The following CCDC3 variants were observed in gnomAD, a reference collection of about 807,000 sequenced individuals.
The protein encoded by CCDC3 is coiled-coil domain-containing protein 3.
In CCDC3, 24 loss-of-function variants were observed where a neutral mutation model predicts 21.4. The observed-to-expected ratio is 1.12, with a 90% CI of 0.81 to 1.58. The LOEUF is 1.58. Among genes scored for constraint, CCDC3 ranks in the 40% most tolerant of loss-of-function variants. CCDC3 has a pLI of 0.00. For missense variants in CCDC3, 425 were observed against 360.9 expected (o/e 1.18, Z -1.44); for synonymous variants, 186 against 166.0 (o/e 1.12, Z -0.93).
Position 13,084,576 on chromosome 10 carries a change from C to T in CCDC3, c.-502-10476G>A, listed in dbSNP as rs547865520. On this transcript the variant is annotated intron_variant, in intron 3 of 6. Transcript: ENST00000378839. The stretch of plus-strand genomic sequence containing the variant: ...TGCTGGGATTACAGGCATGAGCCAC[C>T]GCGCCCGGCCCCACTTTACTTTCTC... Among the ~76,000 whole-genome samples the T allele has an allele frequency of 7.4e-4, 113 of 152,252 alleles. 2 individuals carry two copies. In the South Asian group the frequency reaches 0.02, roughly 27 times the overall value.
intron 4 of CCDC3, among the ~76,000 whole-genome samples, chr10:13,070,995 A>G (rs1321039789): frequency 6.6e-6 from 1 of 152,220 alleles, no homozygotes; most frequent in African/African-American, 2.4e-5. Flanking sequence ...AGAAAAAAAC[A>G]AAAGGGATGG....
chr10:12,951,361 A>G (rs1315988684), intron 2 of CCDC3, among the ~76,000 whole-genome samples: 1 of 152,160 alleles, frequency 6.6e-6, no homozygotes, highest in African/African-American at 2.4e-5. Context: ...CTCAAAAAAA[A>G]GTTTAAAACC....
At chr10:12,899,239 C>T (rs1189017505) in intron 2 of CCDC3, among the ~76,000 whole-genome samples, 1 of 152,074 alleles carries the variant, frequency 6.6e-6, no homozygotes, top group East Asian at 1.9e-4. Flanking sequence ...CTCTTAAACG[C>T]ATGAAAAGAT....
intron 2 of CCDC3, among the ~76,000 whole-genome samples, chr10:12,973,787 A>T (rs1835376700): frequency 6.6e-6 from 1 of 152,100 alleles, no homozygotes; most frequent in Non-Finnish European, 1.5e-5. Flanking sequence ...GGTAAACCTG[A>T]CCCAGGTTTT....
intron 3 of CCDC3, among the ~76,000 whole-genome samples, chr10:13,092,163 T>A (rs961667758): frequency 6.6e-6 from 1 of 152,142 alleles, no homozygotes; most frequent in Non-Finnish European, 1.5e-5. Flanking sequence ...AAATATACTT[T>A]TGTGCTGAAG....
chr10:13,007,071 C>T (rs961625445), intron 5 of CCDC3, among the ~76,000 whole-genome samples: 1 of 152,130 alleles, frequency 6.6e-6, no homozygotes, highest in Admixed American at 6.5e-5. Flanking sequence ...GACCCCTTTT[C>T]GATGGCATCA....
chr10:13,049,345 A>G lies in CCDC3; in HGVS notation c.-2+329T>C, dbSNP rs1165591096. On this transcript the variant is annotated intron_variant, in intron 5 of 6. Coordinates refer to the CCDC3 transcript ENST00000378839. ...AAATACAAGAATCATGAAGGGAATAAATATTAACTTTATTCCCTTATTCAG... is the reference window on the plus strand; with the variant it reads ...AAATACAAGAATCATGAAGGGAATAGATATTAACTTTATTCCCTTATTCAG... Among the ~76,000 whole-genome samples the G allele has an allele frequency of 2.6e-5, 4 of 152,168 alleles. No homozygotes were observed. The East Asian group carries it at 7.7e-4, about 29-fold the overall frequency.
intron 2 of CCDC3, among the ~76,000 whole-genome samples, chr10:12,991,169 T>C (rs1835675570): frequency 6.6e-6 from 1 of 152,214 alleles, no homozygotes; most frequent in Admixed American, 6.5e-5. Flanking sequence ...TGATTTTTAG[T>C]CTATTTGGGG....
At chr10:12,905,996 C>A (rs1469102248) in intron 2 of CCDC3, among the ~76,000 whole-genome samples, 1 of 152,218 alleles carries the variant, frequency 6.6e-6, no homozygotes, top group Non-Finnish European at 1.5e-5. Context: ...TACCCACGTC[C>A]TCCGTAGTGC....
intron 2 of CCDC3, among the ~76,000 whole-genome samples, chr10:12,927,715 A>G (rs1834567458): frequency 6.6e-6 from 1 of 152,222 alleles, no homozygotes; most frequent in Admixed American, 6.5e-5. Context: ...AACACGCTAA[A>G]GGGATTGCAT....
intron 2 of CCDC3, among the ~76,000 whole-genome samples, chr10:12,934,092 GTTAAGCT>G (rs1163281722): frequency 6.6e-6 from 1 of 152,014 alleles, no homozygotes; most frequent in East Asian, 1.9e-4. Context: ...AAAATTTTCT[GTTAAGCT>G]TTATTTTCAC....
intron 2 of CCDC3, among the ~76,000 whole-genome samples, chr10:12,976,273 C>T (rs1228889581): frequency 6.6e-6 from 1 of 152,226 alleles, no homozygotes; most frequent in African/African-American, 2.4e-5. Flanking sequence ...GTTTTAGGAC[C>T]TGGTGGTTGA....
chr10:13,087,716 T>C (rs1454490492), intron 3 of CCDC3, among the ~76,000 whole-genome samples: 2 of 151,844 alleles, frequency 1.3e-5, no homozygotes, highest in South Asian at 2.1e-4. Context: ...TACTTAGAAG[T>C]ATCATCTAAG....
At chr10:13,095,170 T>C (rs960961418) in intron 3 of CCDC3, among the ~76,000 whole-genome samples, 1 of 152,074 alleles carries the variant, frequency 6.6e-6, no homozygotes, top group Admixed American at 6.6e-5. Flanking sequence ...CACCTAGAAG[T>C]GGAATTGCTG....
chr10:12,908,612 CTTTTTTT>C (rs764071462), intron 2 of CCDC3, among the ~76,000 whole-genome samples: 1 of 139,330 alleles, frequency 7.2e-6, no homozygotes, highest in Non-Finnish European at 1.5e-5. Context: ...TGTGATTTTT[CTTTTTTT>C]TTTTTTTTGA....
intron 2 of CCDC3, among the ~76,000 whole-genome samples, chr10:12,920,660 A>C (rs1344605083): frequency 1.3e-5 from 2 of 152,272 alleles, no homozygotes; most frequent in Non-Finnish European, 2.9e-5. Flanking sequence ...TACTAATACC[A>C]GGCACTGTAT....
intron 2 of CCDC3, among the ~76,000 whole-genome samples, chr10:12,913,666 A>AG (rs1312609535): frequency 6.6e-6 from 1 of 152,266 alleles, no homozygotes; most frequent in Non-Finnish European, 1.5e-5. Context: ...TCCTGATCTT[A>AG]GAAGAAAAGC....
At chr10:12,998,166 T>C (rs1835790742) in intron 2 of CCDC3, among the ~76,000 whole-genome samples, 172 bp downstream of exon 2, 1 of 152,166 alleles carries the variant, frequency 6.6e-6, no homozygotes, top group Non-Finnish European at 1.5e-5. Context: ...TGAATGGTCT[T>C]TTTTAACAGC....
intron 2 of CCDC3, among the ~76,000 whole-genome samples, chr10:12,965,927 T>C (rs1374868910): frequency 3.9e-5 from 6 of 152,178 alleles, no homozygotes; most frequent in African/African-American, 9.7e-5. Context: ...TGATAAATCA[T>C]TGAGTCTTGT....
Sources: gnomAD v4.1 joint callset for allele counts (sites outside exome capture counted in the v4.1 genomes callset) on GRCh38, gnomAD v4.1.1 for gene constraint, MANE v1.5 for transcripts, NCBI Gene and HGNC (gene_info 2026-07-23, HGNC 2026-07-21) for gene names.